IGFBP7: variants seen among roughly 807,000 people sequenced by gnomAD.
The protein encoded by IGFBP7 is insulin like growth factor binding protein 7, also known as insulin-like growth factor-binding protein 7.
In IGFBP7, 31 loss-of-function variants were observed where a neutral mutation model predicts 29.4. That is an observed-to-expected ratio of 1.05 (90% CI 0.79 to 1.42). IGFBP7 has a LOEUF of 1.42. IGFBP7 is among the 40% of genes most tolerant of loss of function. The pLI, the probability that IGFBP7 is intolerant of heterozygous loss-of-function variation, is 0.00. For synonymous variants in IGFBP7, 172 were observed against 174.9 expected, an observed-to-expected ratio of 0.98 and a Z score of 0.13; for missense variants, 393 against 395.5, an observed-to-expected ratio of 0.99 and a Z score of 0.05.
chr4:57,102,914 G>A (rs185915645), intron 1 of IGFBP7, among the ~76,000 whole-genome samples: 2 of 152,296 alleles, frequency 1.3e-5, no homozygotes, highest in East Asian at 3.9e-4. Context: ...TGATCTGAAA[G>A]CAGAGAGAAG....
chr4:57,061,979 T>C (rs1724810914), intron 1 of IGFBP7, among the ~76,000 whole-genome samples: 1 of 152,176 alleles, frequency 6.6e-6, no homozygotes, highest in African/African-American at 2.4e-5. Flanking sequence ...CAAGTTTTTA[T>C]AGCCATTACT....
chr4:57,075,793 T>C (rs1212393740), intron 1 of IGFBP7, among the ~76,000 whole-genome samples: 1 of 152,166 alleles, frequency 6.6e-6, no homozygotes, highest in African/African-American at 2.4e-5. Context: ...CAGAGGAATG[T>C]GGTGGGTAGA....
intron 1 of IGFBP7, among the ~76,000 whole-genome samples, chr4:57,045,037 A>G (rs1324790433): frequency 3.3e-5 from 5 of 152,192 alleles, no homozygotes; most frequent in Admixed American, 3.3e-4. Context: ...ACCTGAACCC[A>G]GGAATACTTT....
chr4:57,090,275 C>T (rs1361521270), intron 1 of IGFBP7, among the ~76,000 whole-genome samples: 1 of 152,210 alleles, frequency 6.6e-6, no homozygotes, highest in Non-Finnish European at 1.5e-5. Context: ...GTAAGAATTT[C>T]CTGAGTCTTG....
intron 1 of IGFBP7, among the ~76,000 whole-genome samples, chr4:57,071,288 A>G (rs777900422): frequency 3.3e-5 from 5 of 152,238 alleles, no homozygotes; most frequent in African/African-American, 1.2e-4. Context: ...CAACCATTCA[A>G]TTCCATGCTG....
chr4:57,089,424 T>C (rs981604707), intron 1 of IGFBP7, among the ~76,000 whole-genome samples: 1 of 152,218 alleles, frequency 6.6e-6, no homozygotes, highest in East Asian at 1.9e-4. Context: ...CATTTCAAAA[T>C]GGACTCTATG....
At chr4:57,078,206 A>C (rs1725275798) in intron 1 of IGFBP7, among the ~76,000 whole-genome samples, 1 of 152,098 alleles carries the variant, frequency 6.6e-6, no homozygotes, top group Non-Finnish European at 1.5e-5. Flanking sequence ...CATATGTGTA[A>C]ATAATTTAAC....
At chr4:57,049,035 T>A (rs544470486) in intron 1 of IGFBP7, among the ~76,000 whole-genome samples, 1 of 152,324 alleles carries the variant, frequency 6.6e-6, no homozygotes, top group South Asian at 2.1e-4. Flanking sequence ...GAAGTCTCAC[T>A]GTCTGGGTCT....
chr4:57,031,357 A>G (rs758358273), intron 4 of IGFBP7, 21 bp from the exon 5 acceptor site: 11 of 1,567,418 alleles, frequency 7.0e-6, no homozygotes, highest in African/African-American at 1.4e-5. Flanking sequence ...AAAAAAAAAG[A>G]TAAAAATTAG....
chr4:57,082,951 A>G (rs2109787779), intron 1 of IGFBP7, among the ~76,000 whole-genome samples: 1 of 152,250 alleles, frequency 6.6e-6, no homozygotes, highest in African/African-American at 2.4e-5. Context: ...TTTTCAGTGA[A>G]CAATCCATGT....
intron 1 of IGFBP7, among the ~76,000 whole-genome samples, chr4:57,106,909 A>G (rs1726048817): frequency 6.6e-6 from 1 of 152,182 alleles, no homozygotes; most frequent in East Asian, 1.9e-4. Flanking sequence ...AGGGACCTCA[A>G]TACAATCTAA....
chr4:57,036,471 C>T (rs1724087599), intron 2 of IGFBP7, among the ~76,000 whole-genome samples: 2 of 152,200 alleles, frequency 1.3e-5, no homozygotes, highest in Non-Finnish European at 2.9e-5. Context: ...AACAGAGAGC[C>T]TCTCCGTCTC....
intron 1 of IGFBP7, 121 bp downstream of exon 1, chr4:57,109,756 G>T: frequency 8.1e-7 from 1 of 1,238,096 alleles, no homozygotes; most frequent in Non-Finnish European, 1.1e-6. Context: ...CTGGCTCCTG[G>T]GATGCCCGCG....
At chr4:57,067,267 A>G (rs1178506320) in intron 1 of IGFBP7, among the ~76,000 whole-genome samples, 2 of 152,216 alleles carry the variant, frequency 1.3e-5, no homozygotes, top group Non-Finnish European at 2.9e-5. Flanking sequence ...CAGGGACCCC[A>G]AAACGTAAGC....
At chr4:57,037,043 T>C (rs2109738748) in intron 2 of IGFBP7, among the ~76,000 whole-genome samples, 1 of 152,328 alleles carries the variant, frequency 6.6e-6, no homozygotes, top group African/African-American at 2.4e-5. Context: ...ATATCTGGAA[T>C]ATACAAAAGT....
At chr4:57,097,997 A>G (rs6839914) in intron 1 of IGFBP7, among the ~76,000 whole-genome samples, 148,564 of 152,214 alleles carry the variant, frequency 0.98, 72,617 homozygotes, top group East Asian at 1. Flanking sequence ...AAAAAGGGAG[A>G]TAGGCTTGGG....
At chr4:57,109,842 G>A (rs1440237817) in intron 1 of IGFBP7, 35 bp downstream of exon 1, 3 of 1,523,976 alleles carry the variant, frequency 2.0e-6, no homozygotes, top group Non-Finnish European at 2.6e-6. Flanking sequence ...TGGGCCGAGC[G>A]GCGCAGGGTT....
chr4:57,059,742 T>G (rs1302352439), intron 1 of IGFBP7, among the ~76,000 whole-genome samples: 1 of 151,998 alleles, frequency 6.6e-6, no homozygotes, highest in African/African-American at 2.4e-5. Context: ...CCCCCAAACC[T>G]AAAATAAACT....
intron 1 of IGFBP7, among the ~76,000 whole-genome samples, chr4:57,057,892 AACTGAC>A (rs989797431): frequency 6.6e-6 from 1 of 152,226 alleles, no homozygotes; most frequent in African/African-American, 2.4e-5. Context: ...ACATCAGCTG[AACTGAC>A]ACTTGAAGAG....
Sources: allele counts gnomAD v4.1 joint callset (sites outside exome capture counted in the v4.1 genomes callset), GRCh38; gene constraint gnomAD v4.1.1; transcripts MANE v1.5; gene names NCBI Gene and HGNC (gene_info 2026-07-23, HGNC 2026-07-21).